Variants in ALS2CL observed in about 807,000 individuals in gnomAD.
ALS2CL encodes ALS2 C-terminal-like protein.
ALS2CL carries 112 observed loss-of-function variants against 127.9 expected under a neutral mutation model. That is an observed-to-expected ratio of 0.88 (90% CI 0.75 to 1.02). ALS2CL has a LOEUF of 1.02. ALS2CL is among the 50% of genes least tolerant of loss of function. ALS2CL has a pLI of 0.00. For synonymous variants in ALS2CL, 519 were observed against 527.6 expected, an observed-to-expected ratio of 0.98 and a Z score of 0.22; for missense variants, 1,174 against 1,236.7, an observed-to-expected ratio of 0.95 and a Z score of 0.76.
intron 24 of ALS2CL, 83 bp downstream of exon 24, chr3:46,671,801 G>T (rs1698411836): frequency 1.3e-6 from 2 of 1,579,822 alleles, no homozygotes; most frequent in East Asian, 2.3e-5. Flanking sequence ...CATAAACCCT[G>T]GGGTTCAGAG....
At chr3:46,691,317 G>A (rs908436249) in intron 1 of ALS2CL, among the ~76,000 whole-genome samples, 1 of 152,182 alleles carries the variant, frequency 6.6e-6, no homozygotes, top group Non-Finnish European at 1.5e-5. Context: ...TGGGAAGGTA[G>A]AAGAAAGGGT....
rs2106737498 is a variant in ALS2CL, at chr3:46,686,241, G to A, written c.666+67C>T. On this transcript the variant is annotated intron_variant, in intron 6 of 25. Coordinates refer to ENST00000318962, the MANE Select transcript of ALS2CL (RefSeq NM_147129.5). This position sits in a 1 kb window ranked among gnomAD's most constrained non-coding sequence, Gnocchi z 4.3. Reference sequence around the variant, plus strand: ...CCAGAGAATACAGCAAGCAGCTCAAGCCCCCCAACATCTCCATGCCCAATG... The same window carrying A: ...CCAGAGAATACAGCAAGCAGCTCAAACCCCCCAACATCTCCATGCCCAATG... 6.6e-7 allele frequency: 1 copy of A among 1,512,538 alleles called. No homozygotes were observed. Among genetic ancestry groups the A allele is most frequent in the East Asian group, 2.4e-5 (1 of 42,140 alleles). The allele number at this position is 1,512,538 out of a possible 1,614,324, so 93.7% of individuals were successfully genotyped here.
At position 46,680,490 on chromosome 3, in the gene ALS2CL, C is replaced by A. The variant is rs1318633421; in HGVS notation, c.1488G>T (p.Gly496=). The change falls in exon 14 of 26, where the codon GGG becomes GGT. Residue 496 remains glycine (G), a synonymous_variant. Transcript: ENST00000318962. ...MWQAGQRHGP[G]VMVTQAGVCY... The stretch of plus-strand genomic sequence containing the variant: ...AGACACCTGCCTGGGTGACCATGAC[C>A]CCTGGGCCGTGGCGCTGACCAGCCT... The A allele has an allele frequency of 3.7e-6, 6 of 1,613,274 alleles. No individual in the cohort carries two copies. The Admixed American group carries it at 5.0e-5, about 13-fold the overall frequency.
At chr3:46,674,106 C>T (rs1392266546) in intron 21 of ALS2CL, among the ~76,000 whole-genome samples, 1 of 152,220 alleles carries the variant, frequency 6.6e-6, no homozygotes, top group African/African-American at 2.4e-5. Flanking sequence ...CTCTCCCCTA[C>T]TCTCAGCCCA....
At chr3:46,677,054 CAG>C in intron 16 of ALS2CL, 32 bp from the exon 17 acceptor site, 2 of 1,569,968 alleles carry the variant, frequency 1.3e-6, no homozygotes, top group Admixed American at 1.8e-5. Context: ...GGTGATGGGG[CAG>C]AGAGAGATGG....
chr3:46,681,601 G>T lies in ALS2CL; in HGVS notation c.1176-3C>A. On this transcript the variant is annotated splice_region_variant and splice_polypyrimidine_tract_variant and intron_variant, in intron 11 of 25. Coordinates refer to ENST00000318962, the MANE Select transcript of ALS2CL (RefSeq NM_147129.5). This position sits in a 1 kb window ranked among gnomAD's most constrained non-coding sequence, Gnocchi z 4.9. ...GGGGCAGCAGGCGGATGCCGAAGCT[G>T]ACAGCATGGTTGTGGGGGTGGGGAT... 1 of 1,614,028 alleles carries T rather than the reference G, an allele frequency of 6.2e-7. No homozygotes were observed. Among genetic ancestry groups the T allele is most frequent in the South Asian group, 1.1e-5 (1 of 91,078 alleles).
At position 46,683,204 on chromosome 3, in the gene ALS2CL, A is replaced by T. The variant is rs769838765; in HGVS notation, c.1035T>A (p.Tyr345Ter). 6.2e-6 allele frequency: 10 copies of T among 1,609,170 alleles called. No homozygotes were observed. The Admixed American group carries it at 6.7e-5, about 11-fold the overall frequency. The change falls in exon 10 of 26, where the codon TAT (tyrosine) becomes TAA (stop). Residue 345 changes from tyrosine to a stop codon, truncating the protein, a stop_gained. Coordinates refer to ENST00000318962, the MANE Select transcript of ALS2CL (RefSeq NM_147129.5). LOFTEE classifies it high-confidence loss of function. ...SQPPDCRCAEYTFQAEGRLCQ... is the reference protein window; with the variant it reads ...SQPPDCRCAE Reference sequence around the variant, plus strand: ...AGAGCCGGCCCTCTGCCTGGAAGGTATATTCTGCGCAGCGGCAGTCGGGAG... The same window carrying T: ...AGAGCCGGCCCTCTGCCTGGAAGGTTTATTCTGCGCAGCGGCAGTCGGGAG...
intron 4 of ALS2CL, 136 bp from the exon 5 acceptor site, chr3:46,687,284 C>T: frequency 1.0e-6 from 1 of 981,826 alleles, no homozygotes; most frequent in African/African-American, 1.7e-5. Context: ...CCTATCAGAT[C>T]AACACAGTAC....
At chr3:46,679,175 G>A in intron 15 of ALS2CL, 35 bp downstream of exon 15, 1 of 1,535,620 alleles carries the variant, frequency 6.5e-7, no homozygotes. Flanking sequence ...CCAAGGCCTT[G>A]GCAGGGTGTG....
chr3:46,677,287 G>A (rs1031420805), intron 16 of ALS2CL: 2 of 1,312,046 alleles, frequency 1.5e-6, no homozygotes, highest in Non-Finnish European at 1.9e-6. Context: ...GAGACAGAAA[G>A]GTGGGCAGAT....
chr3:46,690,259 T>C (rs1018297329), intron 1 of ALS2CL, among the ~76,000 whole-genome samples: 1 of 152,210 alleles, frequency 6.6e-6, no homozygotes, highest in Admixed American at 6.5e-5. Flanking sequence ...GTAGAGGAGA[T>C]AGTGCCAGGC....
intron 20 of ALS2CL, 44 bp downstream of exon 20, chr3:46,675,574 C>A (rs577636328): frequency 6.3e-7 from 1 of 1,590,252 alleles, no homozygotes; most frequent in South Asian, 1.1e-5. Context: ...ACGCATGAGG[C>A]CTCCCTGGAC....
At chr3:46,692,156 A>T (rs545352893) in intron 1 of ALS2CL, among the ~76,000 whole-genome samples, 1 of 152,078 alleles carries the variant, frequency 6.6e-6, no homozygotes, top group Non-Finnish European at 1.5e-5. Flanking sequence ...CCGCAGTGGA[A>T]GCTGGGATTC....
chr3:46,680,450 A>G lies in ALS2CL; in HGVS notation c.1528T>C (p.Phe510Leu). ...CTCACCACCGTCTTGTCCGCCTGGA[A>G]GGTGCCCTGGTAGCAGACACCTGCC... is the stretch of plus-strand genomic sequence containing the variant. ...TQAGVCYQGT[F>L]QADKTVGPGI... Residue 510 changes from phenylalanine (F) to leucine (L), a missense_variant, in exon 14 of 26, where the codon TTC (phenylalanine) becomes CTC (leucine). Coordinates refer to ENST00000318962, the MANE Select transcript of ALS2CL (RefSeq NM_147129.5). 1 of 1,613,500 alleles carries G rather than the reference A, an allele frequency of 6.2e-7. No homozygotes were observed.
intron 1 of ALS2CL, among the ~76,000 whole-genome samples, chr3:46,689,850 C>T (rs1252332581): frequency 6.6e-6 from 1 of 152,172 alleles, no homozygotes; most frequent in East Asian, 1.9e-4. Flanking sequence ...TCAAGTCTCC[C>T]TTCAGGGATT....
At chr3:46,673,464 T>G (rs1314800771) in intron 21 of ALS2CL, 83 bp from the exon 22 acceptor site, 6 of 1,402,598 alleles carry the variant, frequency 4.3e-6, no homozygotes, top group Non-Finnish European at 5.9e-6. Flanking sequence ...CCTATGCCAC[T>G]GTTTCCCCCG....
At chr3:46,688,583 C>A (rs576383381) in intron 2 of ALS2CL, among the ~76,000 whole-genome samples, 1 of 152,324 alleles carries the variant, frequency 6.6e-6, no homozygotes, top group South Asian at 2.1e-4. Flanking sequence ...GAACTAAGTA[C>A]ATACACGAAT....
In ALS2CL at chr3:46,674,681, G is replaced by C; in HGVS notation, c.2314C>G (p.Leu772Val). ...TGAAGCAGCAGGTAGAGCGTGAAGA[G>C]CTCTGAGTAGAAGCTGGGCAGCATG... ...PLMLPSFYSE[L>V]FTLYLLLHER... Residue 772 changes from leucine (L) to valine (V), a missense_variant, in exon 21 of 26, where the codon CTC (leucine) becomes GTC (valine). By Grantham distance (32) the Leu-to-Val change is conservative. Transcript: ENST00000318962. 1 of 1,614,134 alleles carries C rather than the reference G, an allele frequency of 6.2e-7. No homozygotes were observed. The highest frequency in any genetic ancestry group is 8.5e-7 in the Non-Finnish European group (1 of 1,180,010).
At chr3:46,688,901 G>A (rs749195445) in intron 2 of ALS2CL, among the ~76,000 whole-genome samples, 2 of 152,226 alleles carry the variant, frequency 1.3e-5, no homozygotes, top group African/African-American at 4.8e-5. Context: ...GCTACAGGTA[G>A]GTTCATGGCC....
Sources: gnomAD v4.1 joint callset for allele counts (sites outside exome capture counted in the v4.1 genomes callset) on GRCh38, gnomAD v4.1.1 for gene constraint, Gnocchi (gnomAD v3.1) non-coding constraint, MANE v1.5 for transcripts, NCBI Gene and HGNC (gene_info 2026-07-23, HGNC 2026-07-21) for gene names.